The following KIRREL3 variants were observed in gnomAD, a reference collection of about 807,000 sequenced individuals.
KIRREL3 encodes kin of IRRE-like protein 3.
A neutral mutation model predicts 89.7 loss-of-function variants in KIRREL3; 36 were observed. The ratio of observed to expected loss-of-function variants is 0.40; its 90% CI spans 0.31 to 0.53. The LOEUF (loss-of-function observed/expected upper bound fraction) is 0.53, where lower values mean the gene tolerates loss of function less well. Ranked by LOEUF, KIRREL3 falls within the 20% of genes least tolerant of loss-of-function variation. The probability of loss-of-function intolerance (pLI) is 0.49; values close to 1 mark genes in which losing one functional copy is unlikely to be tolerated. For missense variants in KIRREL3, 864 were observed against 1,056.6 expected, an observed-to-expected ratio of 0.82 and a Z score of 2.53; for synonymous variants, 445 against 441.4, an observed-to-expected ratio of 1.01 and a Z score of -0.10.
intron 11 of KIRREL3, among the ~76,000 whole-genome samples, chr11:126,439,298 C>T (rs1369861982): frequency 6.6e-6 from 1 of 151,284 alleles, no homozygotes; most frequent in Admixed American, 6.6e-5. Context: ...ACCATTGCAC[C>T]CAGCCTGGGT....
In KIRREL3 at chr11:126,754,297, T is replaced by C. The variant is rs1445532129; in HGVS notation, c.56-191385A>G. Among the ~76,000 whole-genome samples the C allele has an allele frequency of 6.6e-6, 1 of 152,108 alleles. No individual in the cohort carries two copies. Among genetic ancestry groups the C allele is most frequent in the Non-Finnish European group, 1.5e-5 (1 of 68,030 alleles). Reference sequence around the variant, plus strand: ...CTTTGAGAAGACTTTTAATAGAAAGTGAGATTAAAAGAAAACTTGATGGAA... The same window carrying C: ...CTTTGAGAAGACTTTTAATAGAAAGCGAGATTAAAAGAAAACTTGATGGAA... On this transcript the variant is annotated intron_variant, in intron 1 of 16. Transcript: ENST00000525144. The surrounding 1 kb of genome is among the most constrained non-coding windows in gnomAD (Gnocchi z 5.1).
At chr11:126,712,262 C>T (rs1200843176) in intron 1 of KIRREL3, among the ~76,000 whole-genome samples, 2 of 72,390 alleles carry the variant, frequency 2.8e-5, no homozygotes, top group Non-Finnish European at 5.3e-5. Flanking sequence ...CAGATAAGGG[C>T]GAGTGTGTGT....
At chr11:126,658,639 A>G (rs1302603205) in intron 1 of KIRREL3, among the ~76,000 whole-genome samples, 1 of 152,146 alleles carries the variant, frequency 6.6e-6, no homozygotes, top group Non-Finnish European at 1.5e-5. Context: ...TGACTCGGAG[A>G]GCTTTCCTGA....
chr11:126,743,333 A>G (rs1949042169), intron 1 of KIRREL3, among the ~76,000 whole-genome samples: 1 of 152,210 alleles, frequency 6.6e-6, no homozygotes, highest in African/African-American at 2.4e-5. Context: ...GCTGGCTATA[A>G]TAATCACCTG....
intron 1 of KIRREL3, among the ~76,000 whole-genome samples, chr11:126,850,883 C>A (rs1373936369): frequency 3.3e-5 from 5 of 152,138 alleles, no homozygotes; most frequent in African/African-American, 1.2e-4. Flanking sequence ...CACAGCCAGG[C>A]CAAAGCAGCA....
At chr11:126,503,860 C>G (rs1387749067) in intron 4 of KIRREL3, among the ~76,000 whole-genome samples, 10 of 151,290 alleles carry the variant, frequency 6.6e-5, no homozygotes, top group Admixed American at 6.6e-4. Flanking sequence ...TCTCCCTCTT[C>G]CTCTTTCTCC....
At chr11:126,447,009 C>A (rs1211425528) in intron 8 of KIRREL3, 123 bp from the exon 9 acceptor site, 1 of 1,188,958 alleles carries the variant, frequency 8.4e-7, no homozygotes. Flanking sequence ...GGTACTTGTG[C>A]CACCTCAGTC....
chr11:126,892,264 C>T lies in KIRREL3; in HGVS notation c.55+108191G>A, dbSNP rs1945953358. On this transcript the variant is annotated intron_variant, in intron 1 of 16. Transcript: ENST00000525144. The surrounding 1 kb of genome is among the most constrained non-coding windows in gnomAD (Gnocchi z 5.4). The stretch of plus-strand genomic sequence containing the variant: ...TCCCTGCCTGCTCTGTTTTCTTCAT[C>T]CCCTTCGTACCCTCCTGCTCAGCAG... Among the ~76,000 whole-genome samples, 1 of 152,178 alleles carries T rather than the reference C, an allele frequency of 6.6e-6. No homozygotes were observed. Among genetic ancestry groups the T allele is most frequent in the African/African-American group, 2.4e-5 (1 of 41,452 alleles).
At chr11:126,959,427 T>C (rs1026604809) in intron 1 of KIRREL3, among the ~76,000 whole-genome samples, 28 of 152,196 alleles carry the variant, frequency 1.8e-4, no homozygotes, top group Non-Finnish European at 5.9e-5. Flanking sequence ...CTTATACCCC[T>C]AAATGTTGTT....
rs1054804036 is a variant in KIRREL3 at position 126,917,599 on chromosome 11, G to A, written c.55+82856C>T. Among the ~76,000 whole-genome samples the A allele has an allele frequency of 1.3e-5, 2 of 152,252 alleles. No homozygotes were observed. The highest frequency in any genetic ancestry group is 2.4e-5 in the African/African-American group (1 of 41,538). On this transcript the variant is annotated intron_variant, in intron 1 of 16. Transcript: ENST00000525144. This position sits in a 1 kb window ranked among gnomAD's most constrained non-coding sequence, Gnocchi z 5.0. The stretch of plus-strand genomic sequence containing the variant: ...GCACTGCTCAGTTGTAGGCTGTGTG[G>A]GGAGTGAGTAATGATCACCTGGTGC...
At chr11:126,630,148 G>A (rs530873585) in intron 1 of KIRREL3, among the ~76,000 whole-genome samples, 2 of 152,308 alleles carry the variant, frequency 1.3e-5, no homozygotes, top group African/African-American at 4.8e-5. Context: ...TAGACGGACT[G>A]GGTTTGGAAA....
rs1302229294 is a variant in KIRREL3, at chr11:126,747,116, C to A, written c.56-184204G>T. ...TTTCCTAAAATGACTGGAATCGCCT[C>A]AGCTGTGTAGCTAACTTGTTTTCCT... On this transcript the variant is annotated intron_variant, in intron 1 of 16. Coordinates refer to ENST00000525144, the MANE Select transcript of KIRREL3 (RefSeq NM_032531.4). The surrounding 1 kb of genome is among the most constrained non-coding windows in gnomAD (Gnocchi z 4.7). 2.0e-5 allele frequency among the ~76,000 whole-genome samples: 3 copies of A among 152,210 alleles called. No individual in the cohort carries two copies. The highest frequency in any genetic ancestry group is 4.4e-5 in the Non-Finnish European group (3 of 68,032).
Position 126,970,513 on chromosome 11 carries a change from A to G in KIRREL3, c.55+29942T>C, listed in dbSNP as rs1302437113. On this transcript the variant is annotated intron_variant, in intron 1 of 16. Coordinates refer to ENST00000525144, the MANE Select transcript of KIRREL3 (RefSeq NM_032531.4). The surrounding 1 kb of genome is among the most constrained non-coding windows in gnomAD (Gnocchi z 4.4). The stretch of plus-strand genomic sequence containing the variant: ...ACCCCTACAGTGCCCTGTCAACCCC[A>G]CAGAGGGTCCAGAAAAAAGTCATGA... Among the ~76,000 whole-genome samples, 7 of 152,154 alleles carry G rather than the reference A, an allele frequency of 4.6e-5. No homozygotes were observed. The highest frequency in any genetic ancestry group is 1.4e-4 in the African/African-American group (6 of 41,436).
At chr11:126,874,433 A>T (rs908094322) in intron 1 of KIRREL3, among the ~76,000 whole-genome samples, 1 of 152,240 alleles carries the variant, frequency 6.6e-6, no homozygotes, top group Non-Finnish European at 1.5e-5. Flanking sequence ...ATCATGAAAC[A>T]GTGTAGTTTA....
Position 126,561,164 on chromosome 11 carries a change from C to G in KIRREL3, c.133+1671G>C, listed in dbSNP as rs1170305995. Among the ~76,000 whole-genome samples, 1 of 152,182 alleles carries G rather than the reference C, an allele frequency of 6.6e-6. No individual in the cohort carries two copies. Among genetic ancestry groups the G allele is most frequent in the African/African-American group, 2.4e-5 (1 of 41,434 alleles). ...GAGCTTCCTCCCTCCAGAGCCCTCC[C>G]TCTCCTTCACCTCTGCCTTCCAGCT... is the stretch of plus-strand genomic sequence containing the variant. On this transcript the variant is annotated intron_variant, in intron 2 of 16. Transcript: ENST00000525144. The surrounding 1 kb of genome is among the most constrained non-coding windows in gnomAD (Gnocchi z 4.5).
intron 4 of KIRREL3, among the ~76,000 whole-genome samples, chr11:126,509,914 G>T (rs984168264): frequency 7.2e-6 from 1 of 138,520 alleles, no homozygotes; most frequent in Non-Finnish European, 1.5e-5. Context: ...TTGAACCTGG[G>T]AGGCAGAGGT....
At chr11:126,787,123 C>A (rs1363280507) in intron 1 of KIRREL3, among the ~76,000 whole-genome samples, 1 of 152,032 alleles carries the variant, frequency 6.6e-6, no homozygotes, top group Admixed American at 6.5e-5. Flanking sequence ...GGAGTGTGGG[C>A]TGAACATAAT....
chr11:126,723,274 G>A lies in KIRREL3; in HGVS notation c.56-160362C>T, dbSNP rs144877514. Among the ~76,000 whole-genome samples the A allele has an allele frequency of 6.6e-6, 1 of 152,320 alleles. No homozygotes were observed. Among genetic ancestry groups the A allele is most frequent in the Non-Finnish European group, 1.5e-5 (1 of 68,044 alleles). On this transcript the variant is annotated intron_variant, in intron 1 of 16. Coordinates refer to ENST00000525144, the MANE Select transcript of KIRREL3 (RefSeq NM_032531.4). This position sits in a 1 kb window ranked among gnomAD's most constrained non-coding sequence, Gnocchi z 4.0. The stretch of plus-strand genomic sequence containing the variant: ...AGCAGAGACAGACACACTTTTAGTA[G>A]GGGCTAAGCTATGTTTGTGGAGTAG...
intron 1 of KIRREL3, among the ~76,000 whole-genome samples, chr11:126,735,739 A>AAC (rs1948779441): frequency 6.6e-6 from 1 of 152,270 alleles, no homozygotes. Context: ...GGCAGAACCA[A>AAC]ACCAAAGAGG....
Sources: gnomAD v4.1 joint callset for allele counts (sites outside exome capture counted in the v4.1 genomes callset) on GRCh38, gnomAD v4.1.1 for gene constraint, Gnocchi (gnomAD v3.1) non-coding constraint, MANE v1.5 for transcripts, NCBI Gene and HGNC (gene_info 2026-07-23, HGNC 2026-07-21) for gene names.